The following EXOC4 variants were observed in gnomAD, a reference collection of about 807,000 sequenced individuals.
The protein encoded by EXOC4 is exocyst complex component 4.
A neutral mutation model predicts 107.2 loss-of-function variants in EXOC4; 71 were observed. That is an observed-to-expected ratio of 0.66 (90% CI 0.55 to 0.81). The LOEUF (loss-of-function observed/expected upper bound fraction) is 0.81, where lower values mean the gene tolerates loss of function less well. Ranked by LOEUF, EXOC4 falls within the 30% of genes least tolerant of loss-of-function variation. The pLI, the probability that EXOC4 is intolerant of heterozygous loss-of-function variation, is 0.00. For synonymous variants in EXOC4, 456 were observed against 441.2 expected, an observed-to-expected ratio of 1.03 and a Z score of -0.42; for missense variants, 1,108 against 1,189.6, an observed-to-expected ratio of 0.93 and a Z score of 1.01.
intron 1 of EXOC4, among the ~76,000 whole-genome samples, chr7:133,258,198 A>G (rs1795061495): frequency 1.3e-5 from 2 of 152,276 alleles, no homozygotes; most frequent in Middle Eastern, 3.4e-3. Context: ...GTCTGGCAGC[A>G]TATGTGAACG....
At chr7:133,334,625 G>C (rs1356784169) in intron 5 of EXOC4, among the ~76,000 whole-genome samples, 1 of 152,130 alleles carries the variant, frequency 6.6e-6, no homozygotes, top group South Asian at 2.1e-4. Flanking sequence ...TGTGTCATGG[G>C]GGTTTGTTGT....
intron 5 of EXOC4, among the ~76,000 whole-genome samples, chr7:133,354,758 A>T (rs961053023): frequency 1.3e-5 from 2 of 152,200 alleles, no homozygotes; most frequent in African/African-American, 4.8e-5. Context: ...GTACTCCAGG[A>T]ACAGGTACAG....
chr7:133,973,845 T>C (rs541937146), intron 14 of EXOC4, among the ~76,000 whole-genome samples: 64 of 152,320 alleles, frequency 4.2e-4, no homozygotes, highest in Non-Finnish European at 6.3e-4. Flanking sequence ...TTATTTCTTA[T>C]AGTTCTGGAG....
chr7:133,855,114 A>AATATATATAAATATATATAAATAT (rs1563028522), intron 11 of EXOC4, among the ~76,000 whole-genome samples: 6 of 91,494 alleles, frequency 6.6e-5, no homozygotes, highest in African/African-American at 3.2e-4. Context: ...AATATATATA[A>AATATATATAAATATATATAAATAT]ATATATATAT....
At chr7:133,696,535 G>C (rs997466429) in intron 10 of EXOC4, among the ~76,000 whole-genome samples, 1 of 152,138 alleles carries the variant, frequency 6.6e-6, no homozygotes, top group Non-Finnish European at 1.5e-5. Context: ...AGAAAATATA[G>C]CTCCTCTTTT....
chr7:133,360,162 C>T (rs1240652170), intron 6 of EXOC4, among the ~76,000 whole-genome samples: 1 of 152,210 alleles, frequency 6.6e-6, no homozygotes, highest in East Asian at 1.9e-4. Context: ...TCAACTCCTG[C>T]TGCCTAATTG....
chr7:133,373,930 C>T (rs1230552304), intron 6 of EXOC4, among the ~76,000 whole-genome samples: 1 of 152,132 alleles, frequency 6.6e-6, no homozygotes, highest in Non-Finnish European at 1.5e-5. Flanking sequence ...ATTTATTGAG[C>T]AGCATATGTG....
chr7:133,604,316 A>G (rs1456557498), intron 9 of EXOC4, among the ~76,000 whole-genome samples: 1 of 152,244 alleles, frequency 6.6e-6, no homozygotes, highest in East Asian at 1.9e-4. Context: ...AAACCATATC[A>G]TAGTCATTTA....
At chr7:133,382,610 C>T (rs975728771) in intron 7 of EXOC4, among the ~76,000 whole-genome samples, 1 of 151,942 alleles carries the variant, frequency 6.6e-6, no homozygotes, top group Admixed American at 6.6e-5. Context: ...TACTAGAAGC[C>T]TTTAGTTAAA....
intron 5 of EXOC4, among the ~76,000 whole-genome samples, chr7:133,333,214 C>A (rs919845545): frequency 7.2e-5 from 11 of 152,136 alleles, no homozygotes; most frequent in Non-Finnish European, 1.6e-4. Flanking sequence ...TTACTTTGTT[C>A]TATGACTTGT....
intron 14 of EXOC4, among the ~76,000 whole-genome samples, chr7:133,991,188 A>G (rs538291425): frequency 6.6e-6 from 1 of 152,090 alleles, no homozygotes; most frequent in African/African-American, 2.4e-5. Flanking sequence ...CATTTTTTTC[A>G]TATACCTGTT....
At chr7:133,971,355 T>TAG (rs1237508440) in intron 14 of EXOC4, among the ~76,000 whole-genome samples, 2 of 101,724 alleles carry the variant, frequency 2.0e-5, no homozygotes, top group Non-Finnish European at 3.8e-5. Flanking sequence ...TATATATATA[T>TAG]ATATATAGAG....
At chr7:133,484,249 G>A (rs1445054909) in intron 9 of EXOC4, 6 of 1,336,900 alleles carry the variant, frequency 4.5e-6, no homozygotes, top group Admixed American at 2.8e-5. Flanking sequence ...AACTGTTATG[G>A]TACAGATGGT....
rs7791819 is a variant in EXOC4 at position 133,880,321 on chromosome 7, A to G, written c.1735-15278A>G. On this transcript the variant is annotated intron_variant, in intron 11 of 17. Coordinates refer to ENST00000253861, the MANE Select transcript of EXOC4 (RefSeq NM_021807.4). ...CAGTATCTGCTAATGTCATTGTTATATTTCTATATCTTCTCTAACATGTAG... is the reference window on the plus strand; with the variant it reads ...CAGTATCTGCTAATGTCATTGTTATGTTTCTATATCTTCTCTAACATGTAG... 7.4e-3 allele frequency among the ~76,000 whole-genome samples: 1,132 copies of G among 152,230 alleles called. 15 individuals carry two copies. Among genetic ancestry groups the G allele is most frequent in the African/African-American group, 0.026 (1,082 of 41,532 alleles).
At chr7:133,585,629 A>AAAAAAAAAAAGTAGC (rs1252227925) in intron 9 of EXOC4, among the ~76,000 whole-genome samples, 7 of 150,284 alleles carry the variant, frequency 4.7e-5, no homozygotes, top group African/African-American at 1.7e-4. Context: ...CTGTCTTAGA[A>AAAAAAAAAAAGTAGC]AAAAAAAAAA....
At chr7:133,843,497 T>C (rs1798062975) in intron 11 of EXOC4, among the ~76,000 whole-genome samples, 1 of 152,230 alleles carries the variant, frequency 6.6e-6, no homozygotes, top group Non-Finnish European at 1.5e-5. Flanking sequence ...GGAATACTAC[T>C]GATTTTTGTA....
At chr7:133,648,354 G>A (rs1024123284) in intron 10 of EXOC4, among the ~76,000 whole-genome samples, 1 of 152,156 alleles carries the variant, frequency 6.6e-6, no homozygotes, top group African/African-American at 2.4e-5. Context: ...TGTTGGCACT[G>A]TCTTCTGGAG....
intron 7 of EXOC4, among the ~76,000 whole-genome samples, chr7:133,379,260 C>T (rs1005801638): frequency 6.6e-6 from 1 of 152,038 alleles, no homozygotes; most frequent in African/African-American, 2.4e-5. Context: ...TTTGCCCCTC[C>T]AGTAGAGAAA....
At chr7:134,040,617 A>G (rs1037719145) in intron 17 of EXOC4, among the ~76,000 whole-genome samples, 2 of 152,228 alleles carry the variant, frequency 1.3e-5, no homozygotes, top group Non-Finnish European at 2.9e-5. Flanking sequence ...TAGTTTTCCA[A>G]CCAATGGAAT....
Sources: allele counts gnomAD v4.1 joint callset (sites outside exome capture counted in the v4.1 genomes callset), GRCh38; gene constraint gnomAD v4.1.1; transcripts MANE v1.5; gene names NCBI Gene and HGNC (gene_info 2026-07-23, HGNC 2026-07-21).